Variants in NAALADL2 observed in about 807,000 individuals in gnomAD.
The protein encoded by NAALADL2 is inactive N-acetylated-alpha-linked acidic dipeptidase-like protein 2.
In NAALADL2, 76 loss-of-function variants were observed where a neutral mutation model predicts 87.2. The ratio of observed to expected loss-of-function variants is 0.87; its 90% CI spans 0.72 to 1.05. The LOEUF is 1.05. NAALADL2 is among the 50% of genes least tolerant of loss of function. The pLI is 0.00. For missense variants in NAALADL2, 1,089 were observed against 945.8 expected, an observed-to-expected ratio of 1.15 and a Z score of -1.99; for synonymous variants, 354 against 331.0, an observed-to-expected ratio of 1.07 and a Z score of -0.75.
intron 1 of NAALADL2, among the ~76,000 whole-genome samples, chr3:175,056,290 C>A (rs905901951): frequency 1.3e-5 from 2 of 152,144 alleles, no homozygotes; most frequent in African/African-American, 4.8e-5. Flanking sequence ...TACTCTCCTT[C>A]CTTCTTATCA....
intron 11 of NAALADL2, among the ~76,000 whole-genome samples, chr3:175,720,062 C>T (rs1742012746): frequency 6.6e-6 from 1 of 152,140 alleles, no homozygotes; most frequent in Non-Finnish European, 1.5e-5. Flanking sequence ...GGAGAACACG[C>T]TCAGGCCATA....
chr3:174,781,733 G>A (rs1462703994), intron 3 of NAALADL2, among the ~76,000 whole-genome samples: 1 of 151,990 alleles, frequency 6.6e-6, no homozygotes, highest in Non-Finnish European at 1.5e-5. Flanking sequence ...AATGTTTCAT[G>A]TGTTCAGGAG....
chr3:174,814,325 T>C (rs961084907), intron 3 of NAALADL2, among the ~76,000 whole-genome samples: 2 of 152,074 alleles, frequency 1.3e-5, no homozygotes, highest in African/African-American at 2.4e-5. Flanking sequence ...GCCAGGATGG[T>C]CTCAATCTCC....
intron 5 of NAALADL2, among the ~76,000 whole-genome samples, chr3:175,415,883 A>G (rs2216513): frequency 0.75 from 113,105 of 150,668 alleles, 42,670 homozygotes; most frequent in East Asian, 0.87. Context: ...GGAAGCCAAA[A>G]TGGGAGGATT....
chr3:175,757,789 G>A (rs1747463455), intron 13 of NAALADL2, among the ~76,000 whole-genome samples: 1 of 151,916 alleles, frequency 6.6e-6, no homozygotes, highest in Admixed American at 6.6e-5. Flanking sequence ...TAAATGTAAC[G>A]ATGTTAGATG....
intron 9 of NAALADL2, among the ~76,000 whole-genome samples, chr3:175,563,154 C>T (rs62288392): frequency 0.13 from 19,683 of 152,064 alleles, 1,380 homozygotes; most frequent in Middle Eastern, 0.17. Flanking sequence ...TTCAAGGCTT[C>T]AAGAAGTTAA....
At chr3:175,710,299 C>A (rs956269817) in intron 11 of NAALADL2, among the ~76,000 whole-genome samples, 6 of 151,916 alleles carry the variant, frequency 3.9e-5, no homozygotes, top group Admixed American at 1.3e-4. Context: ...ACAGTTGAGA[C>A]ATCTCCCTCT....
chr3:175,390,441 G>A (rs1053758432), intron 5 of NAALADL2, among the ~76,000 whole-genome samples: 3 of 152,112 alleles, frequency 2.0e-5, no homozygotes, highest in Non-Finnish European at 4.4e-5. Context: ...AAACTATTCT[G>A]GTGAAACTAC....
intron 9 of NAALADL2, among the ~76,000 whole-genome samples, chr3:175,492,319 T>C (rs913979455): frequency 1.3e-5 from 2 of 152,200 alleles, no homozygotes; most frequent in Non-Finnish European, 2.9e-5. Context: ...TGAAAAGTGC[T>C]GAAATGAAGC....
At chr3:174,954,695 C>G (rs1199236054) in intron 1 of NAALADL2, among the ~76,000 whole-genome samples, 1 of 152,018 alleles carries the variant, frequency 6.6e-6, no homozygotes, top group African/African-American at 2.4e-5. Flanking sequence ...GATCCAACAA[C>G]ACGATAGAGA....
At chr3:175,137,765 A>AT (rs1729344168) in intron 2 of NAALADL2, among the ~76,000 whole-genome samples, 1 of 58,646 alleles carries the variant, frequency 1.7e-5, no homozygotes, top group African/African-American at 4.3e-5. Context: ...CACCCAGCTA[A>AT]GTTTGTTTTG....
intron 10 of NAALADL2, among the ~76,000 whole-genome samples, chr3:175,623,160 C>T (rs1165053388): frequency 6.6e-6 from 1 of 151,586 alleles, no homozygotes; most frequent in Non-Finnish European, 1.5e-5. Flanking sequence ...TAAAAAAATG[C>T]ATAAATCTTA....
intron 3 of NAALADL2, among the ~76,000 whole-genome samples, chr3:174,849,408 T>A (rs2054702740): frequency 6.6e-6 from 1 of 152,138 alleles, no homozygotes; most frequent in Non-Finnish European, 1.5e-5. Flanking sequence ...GTTCTATTTT[T>A]AATGCTTTCT....
intron 4 of NAALADL2, among the ~76,000 whole-genome samples, chr3:175,263,974 C>T (rs1334557727): frequency 6.6e-6 from 1 of 151,794 alleles, no homozygotes; most frequent in Non-Finnish European, 1.5e-5. Context: ...CTGACCTCTT[C>T]TTTCACATTT....
intron 1 of NAALADL2, among the ~76,000 whole-genome samples, chr3:175,041,350 G>A (rs1422548452): frequency 6.6e-6 from 1 of 152,130 alleles, no homozygotes; most frequent in South Asian, 2.1e-4. Flanking sequence ...CTGTTTCTAA[G>A]AATATCTATT....
intron 13 of NAALADL2, among the ~76,000 whole-genome samples, chr3:175,782,456 GTGA>G (rs1751270292): frequency 1.0e-5 from 1 of 98,954 alleles, no homozygotes; most frequent in Non-Finnish European, 1.9e-5. Context: ...CTGATGGCCA[GTGA>G]TGATGAGCAT....
chr3:175,010,235 T>C (rs1276459209), intron 1 of NAALADL2, among the ~76,000 whole-genome samples: 3 of 152,170 alleles, frequency 2.0e-5, no homozygotes, highest in African/African-American at 7.2e-5. Context: ...TTTGGCTATC[T>C]ATAGTCCAAA....
intron 11 of NAALADL2, among the ~76,000 whole-genome samples, chr3:175,657,619 C>A (rs1731653904): frequency 6.7e-6 from 1 of 149,918 alleles, no homozygotes; most frequent in Non-Finnish European, 1.5e-5. Flanking sequence ...CTTGCTCTGT[C>A]CCCCAGGCTG....
intron 1 of NAALADL2, among the ~76,000 whole-genome samples, chr3:174,539,071 A>G (rs1458555603): frequency 6.6e-6 from 1 of 152,220 alleles, no homozygotes; most frequent in Non-Finnish European, 1.5e-5. Flanking sequence ...AAGAAAATCA[A>G]CATAAAATGC....
Sources: gnomAD v4.1 joint callset for allele counts (sites outside exome capture counted in the v4.1 genomes callset) on GRCh38, gnomAD v4.1.1 for gene constraint, MANE v1.5 for transcripts, NCBI Gene and HGNC (gene_info 2026-07-23, HGNC 2026-07-21) for gene names.